SYCP2: variants seen among roughly 807,000 people sequenced by gnomAD.
SYCP2 encodes the protein synaptonemal complex protein 2, also known as synaptonemal complex lateral element protein.
A neutral mutation model predicts 211.3 loss-of-function variants in SYCP2; 55 were observed. The observed-to-expected ratio is 0.26, with a 90% CI of 0.21 to 0.33. SYCP2 has a LOEUF of 0.33. Ranked by LOEUF, SYCP2 falls within the 10% of genes least tolerant of loss-of-function variation. SYCP2 has a pLI of 1.00. For missense variants in SYCP2, 1,731 were observed against 1,752.0 expected (o/e 0.99, Z 0.21); for synonymous variants, 570 against 555.2 (o/e 1.03, Z -0.37).
intron 31 of SYCP2, among the ~76,000 whole-genome samples, chr20:59,879,006 G>C (rs11086683): frequency 3.9e-5 from 6 of 151,994 alleles, no homozygotes; most frequent in Admixed American, 6.6e-5. Context: ...TTTCAATTTC[G>C]TAAGTTAAAT....
At position 59,877,554 on chromosome 20, in the gene SYCP2, G is replaced by C; in HGVS notation, c.2981C>G (p.Thr994Arg). The change falls in exon 33 of 45, where the codon ACA (threonine) becomes AGA (arginine). Residue 994 changes from threonine to arginine, a missense_variant and splice_region_variant. Thr to Arg is a moderately conservative substitution (Grantham distance 71, BLOSUM62 -1). Coordinates refer to ENST00000357552, the MANE Select transcript of SYCP2 (RefSeq NM_014258.4). ...LEKGQPSSKM[T>R]PSKNITKKMD... Reference sequence around the variant, plus strand: ...CTTTTTTGTGATATTTTTACTGGGTGTCTTTAGGAGAAAAATTCCTGAATA... The same window carrying C: ...CTTTTTTGTGATATTTTTACTGGGTCTCTTTAGGAGAAAAATTCCTGAATA... The C allele has an allele frequency of 6.3e-7, 1 of 1,580,346 alleles. No individual in the cohort carries two copies. Among genetic ancestry groups the C allele is most frequent in the Non-Finnish European group, 8.5e-7 (1 of 1,171,758 alleles).
At chr20:59,882,906 C>A (rs947564658) in intron 26 of SYCP2, among the ~76,000 whole-genome samples, 2 of 152,120 alleles carry the variant, frequency 1.3e-5, no homozygotes, top group African/African-American at 4.8e-5. Flanking sequence ...AAAACTTGTA[C>A]ATTACTCTGT....
rs770678931 is a variant in SYCP2, at chr20:59,883,438, G to GT, written c.2530-1274dup. ...ATAATAATCAAAACATGGAAACAAA[G>GT]TAAGTATTCACTGACATATGAATGG... On this transcript the variant is annotated intron_variant, in intron 26 of 44. Coordinates refer to ENST00000357552, the MANE Select transcript of SYCP2 (RefSeq NM_014258.4). Among the ~76,000 whole-genome samples, 21 of 152,102 alleles carry GT rather than the reference G, an allele frequency of 1.4e-4. 1 individual carries two copies. Among genetic ancestry groups the GT allele is most frequent in the South Asian group, 1.0e-3 (5 of 4,816 alleles).
chr20:59,922,246 G>T, intron 3 of SYCP2, 144 bp downstream of exon 3: 1 of 663,238 alleles, frequency 1.5e-6, no homozygotes. Context: ...TACATGAAAG[G>T]ACACTTTATT....
chr20:59,876,593 A>G (rs1352677403), intron 33 of SYCP2, among the ~76,000 whole-genome samples: 1 of 151,584 alleles, frequency 6.6e-6, no homozygotes, highest in Non-Finnish European at 1.5e-5. Context: ...ACCACTTCCT[A>G]GTTGTGTGAC....
At chr20:59,901,563 T>G (rs1716935013) in intron 16 of SYCP2, 99 bp downstream of exon 16, 1 of 730,526 alleles carries the variant, frequency 1.4e-6, no homozygotes, top group Admixed American at 3.0e-5. Context: ...ATCTACATTT[T>G]AAGAATTCTA....
chr20:59,892,544 C>T (rs1313761467), intron 23 of SYCP2, 24 bp downstream of exon 23: 5 of 1,593,116 alleles, frequency 3.1e-6, no homozygotes, highest in East Asian at 4.5e-5. Flanking sequence ...TGAACTATTA[C>T]ATATAGATAA....
At chr20:59,887,722 A>G (rs1484823130) in intron 24 of SYCP2, among the ~76,000 whole-genome samples, 1 of 152,084 alleles carries the variant, frequency 6.6e-6, no homozygotes, top group Non-Finnish European at 1.5e-5. Flanking sequence ...CATAAGAATA[A>G]AAAACTGAAA....
chr20:59,927,124 C>T (rs1273110138), intron 2 of SYCP2, among the ~76,000 whole-genome samples: 3 of 152,100 alleles, frequency 2.0e-5, no homozygotes, highest in Admixed American at 6.5e-5. Flanking sequence ...TGCACTTGAA[C>T]GTAATGAGAT....
chr20:59,932,485 G>A lies in SYCP2; in HGVS notation c.-139-331C>T, dbSNP rs573866165. On this transcript the variant is annotated intron_variant, in intron 1 of 44. Coordinates refer to ENST00000357552, the MANE Select transcript of SYCP2 (RefSeq NM_014258.4). ...GAGGTCAGGAGTTCGAGACCAGCCG[G>A]GCCAACATGGAGAAAACCCGTCTCT... 4.6e-5 allele frequency among the ~76,000 whole-genome samples: 7 copies of A among 152,198 alleles called. No individual in the cohort carries two copies. The East Asian group carries it at 1.4e-3, about 29-fold the overall frequency.
At chr20:59,888,618 T>A (rs1296240552) in intron 24 of SYCP2, among the ~76,000 whole-genome samples, 1 of 152,024 alleles carries the variant, frequency 6.6e-6, no homozygotes, top group African/African-American at 2.4e-5. Context: ...TCTCATTGCT[T>A]CTTTTTAACA....
intron 22 of SYCP2, 137 bp from the exon 23 acceptor site, chr20:59,892,838 G>C (rs1207493577): frequency 9.7e-6 from 7 of 718,758 alleles, no homozygotes; most frequent in Admixed American, 3.5e-5. Flanking sequence ...TTATCTTACA[G>C]TTCTACTGTA....
chr20:59,928,524 CTT>C (rs1490814310), intron 2 of SYCP2, among the ~76,000 whole-genome samples: 3 of 151,984 alleles, frequency 2.0e-5, no homozygotes, highest in Admixed American at 1.3e-4. Context: ...ACTAAAATAA[CTT>C]TTAAAATATT....
chr20:59,871,690 G>A (rs1489248141), intron 35 of SYCP2, among the ~76,000 whole-genome samples: 1 of 151,804 alleles, frequency 6.6e-6, no homozygotes, highest in East Asian at 1.9e-4. Flanking sequence ...GATATAAAAT[G>A]GTTCAGTATT....
rs531734631 is a variant in SYCP2, at chr20:59,866,043, C to T, written c.4321-178G>A. ...TTAAAAATATTCCAGATGTCATATG[C>T]TCTTTCAAATTAAAATAAAATTGAA... On this transcript the variant is annotated intron_variant, in intron 41 of 44. Coordinates refer to ENST00000357552, the MANE Select transcript of SYCP2 (RefSeq NM_014258.4). 2.7e-5 allele frequency among the ~76,000 whole-genome samples: 4 copies of T among 146,018 alleles called. No homozygotes were observed. The South Asian group carries it at 8.3e-4, about 30-fold the overall frequency.
intron 9 of SYCP2, 50 bp from the exon 10 acceptor site, chr20:59,915,249 G>A: frequency 7.5e-7 from 1 of 1,339,052 alleles, no homozygotes; most frequent in Non-Finnish European, 1.1e-6. Flanking sequence ...CAATTAAATA[G>A]GAAGTCCACA....
rs1458312607 is a variant in SYCP2, at chr20:59,880,275, A to G, written c.2941+28T>C. Reference sequence around the variant, plus strand: ...TGAAATAAACTGCAAAATCATTTGCAACATTTATCCAAAAGATAATTTCTT... The same window carrying G: ...TGAAATAAACTGCAAAATCATTTGCGACATTTATCCAAAAGATAATTTCTT... On this transcript the variant is annotated intron_variant, in intron 31 of 44. Coordinates refer to ENST00000357552, the MANE Select transcript of SYCP2 (RefSeq NM_014258.4). 16 of 1,531,906 alleles carry G rather than the reference A, an allele frequency of 1.0e-5. 1 individual carries two copies. In the Middle Eastern group the frequency reaches 6.3e-4, roughly 61 times the overall value. 94.9% of individuals were successfully genotyped at this position (1,531,906 alleles called of 1,614,324 possible).
intron 16 of SYCP2, among the ~76,000 whole-genome samples, chr20:59,901,091 A>G (rs1291707721): frequency 6.6e-6 from 1 of 152,028 alleles, no homozygotes; most frequent in Non-Finnish European, 1.5e-5. Context: ...CACTATTCAA[A>G]TTTGTCAATT....
At chr20:59,883,838 G>C (rs2059733910) in intron 26 of SYCP2, among the ~76,000 whole-genome samples, 1 of 151,944 alleles carries the variant, frequency 6.6e-6, no homozygotes, top group Admixed American at 6.6e-5. Flanking sequence ...ATACAGTATT[G>C]TATTATATAA....
Sources: gnomAD v4.1 joint callset for allele counts (sites outside exome capture counted in the v4.1 genomes callset) on GRCh38, gnomAD v4.1.1 for gene constraint, MANE v1.5 for transcripts, NCBI Gene and HGNC (gene_info 2026-07-23, HGNC 2026-07-21) for gene names.